TERT: variants seen among roughly 807,000 people sequenced by gnomAD.
TERT encodes the protein telomerase catalytic subunit.
TERT carries 42 observed loss-of-function variants against 104.0 expected under a neutral mutation model. The observed-to-expected ratio is 0.40, with a 90% CI of 0.32 to 0.52. The LOEUF is 0.52. Ranked by LOEUF, TERT falls within the 20% of genes least tolerant of loss-of-function variation. The pLI is 0.43. For missense variants in TERT, 1,101 were observed against 1,610.3 expected (o/e 0.68, Z 5.41); for synonymous variants, 781 against 725.6 (o/e 1.08, Z -1.23).
rs2126693428 is a variant in TERT at position 1,295,019 on chromosome 5, A to G, written c.-30T>C. 1 of 1,279,382 alleles carries G rather than the reference A, an allele frequency of 7.8e-7. No individual in the cohort carries two copies. The highest frequency in any genetic ancestry group is 9.9e-7 in the Non-Finnish European group (1 of 1,012,272). The allele number at this position is 1,279,382 out of a possible 1,614,324, so 79.3% of individuals were successfully genotyped here. On this transcript the variant is annotated 5_prime_UTR_variant, in exon 1 of 16. Transcript: ENST00000310581. Reference sequence around the variant, plus strand: ...GGGGTGGCCGGGGCCAGGGCTTCCCACGTGCGCAGCAGGACGCAGCGCTGC... The same window carrying G: ...GGGGTGGCCGGGGCCAGGGCTTCCCGCGTGCGCAGCAGGACGCAGCGCTGC...
In TERT at chr5:1,263,293, T is replaced by C. The variant is rs34529095; in HGVS notation, c.2843+1111A>G. 0.025 allele frequency among the ~76,000 whole-genome samples: 3,750 copies of C among 152,254 alleles called. 56 individuals are homozygous for C. The highest frequency in any genetic ancestry group is 0.036 in the Non-Finnish European group (2,475 of 68,022). ...ACTTATTTCTCTTCCCATGAAGGTG[T>C]GCCTTTCAGAGGAAGGCACCCCCAG... On this transcript the variant is annotated intron_variant, in intron 11 of 15. Coordinates refer to ENST00000310581, the MANE Select transcript of TERT (RefSeq NM_198253.3). This position sits in a 1 kb window ranked among gnomAD's most constrained non-coding sequence, Gnocchi z 5.3.
intron 10 of TERT, among the ~76,000 whole-genome samples, chr5:1,266,012 G>A (rs1353044002): frequency 6.6e-6 from 1 of 152,172 alleles, no homozygotes; most frequent in Non-Finnish European, 1.5e-5. Context: ...CCCCACGCAG[G>A]AACGTGACCG....
chr5:1,282,027 G>T (rs1432100650), intron 3 of TERT, among the ~76,000 whole-genome samples: 2 of 152,024 alleles, frequency 1.3e-5, no homozygotes, highest in African/African-American at 2.4e-5. Context: ...GGTGGAGGTT[G>T]CAGTGAGCCA....
chr5:1,257,926 C>T lies in TERT; in HGVS notation c.3032+672G>A, dbSNP rs983336583. Among the ~76,000 whole-genome samples, 5 of 152,206 alleles carry T rather than the reference C, an allele frequency of 3.3e-5. No homozygotes were observed. Among genetic ancestry groups the T allele is most frequent in the Non-Finnish European group, 4.4e-5 (3 of 68,042 alleles). Reference sequence around the variant, plus strand: ...GGTGGAGGCCCGGGCCTGTGGTGCCCGACTGCCCTTTGGTACAGCCCCGAG... The same window carrying T: ...GGTGGAGGCCCGGGCCTGTGGTGCCTGACTGCCCTTTGGTACAGCCCCGAG... On this transcript the variant is annotated intron_variant, in intron 13 of 15. Transcript: ENST00000310581. This position sits in a 1 kb window ranked among gnomAD's most constrained non-coding sequence, Gnocchi z 5.6.
intron 2 of TERT, among the ~76,000 whole-genome samples, chr5:1,291,407 C>G (rs865845363): frequency 1.3e-4 from 9 of 66,968 alleles, no homozygotes; most frequent in South Asian, 4.0e-4. Flanking sequence ...CCTCACTCAC[C>G]CTGCACGGGA....
chr5:1,287,731 A>T lies in TERT; in HGVS notation c.1574-5107T>A, dbSNP rs572526735. 9.9e-5 allele frequency among the ~76,000 whole-genome samples: 15 copies of T among 152,206 alleles called. No homozygotes were observed. The highest frequency in any genetic ancestry group is 3.6e-4 in the African/African-American group (15 of 41,522). ...CACATAAATGCTACCAAACGAGAAG[A>T]AATGAACAGACCCATCCCCCAGGTG... On this transcript the variant is annotated intron_variant, in intron 2 of 15. Coordinates refer to ENST00000310581, the MANE Select transcript of TERT (RefSeq NM_198253.3). This position sits in a 1 kb window ranked among gnomAD's most constrained non-coding sequence, Gnocchi z 4.3.
intron 6 of TERT, 97 bp downstream of exon 6, chr5:1,278,537 AGTACCTC>A: frequency 1.3e-6 from 2 of 1,502,310 alleles, no homozygotes; most frequent in Non-Finnish European, 1.9e-6. Flanking sequence ...AAATCATGGA[AGTACCTC>A]CACCACAGAA....
chr5:1,295,015 TC>T lies in TERT; in HGVS notation c.-27del. On this transcript the variant is annotated 5_prime_UTR_variant, in exon 1 of 16. Transcript: ENST00000310581. ...CGCGGGGGTGGCCGGGGCCAGGGCTTCCCACGTGCGCAGCAGGACGCAGCGC... is the reference window on the plus strand; with the variant it reads ...CGCGGGGGTGGCCGGGGCCAGGGCTTCCACGTGCGCAGCAGGACGCAGCGC... 7.8e-7 allele frequency: 1 copy of T among 1,286,874 alleles called. No homozygotes were observed. The highest frequency in any genetic ancestry group is 2.5e-5 in the South Asian group (1 of 40,346). The allele number at this position is 1,286,874 out of a possible 1,614,324, so 79.7% of individuals were successfully genotyped here. A position where few individuals can be genotyped will look rare whatever the true frequency, so the allele number is the denominator to read the frequency against.
chr5:1,283,292 C>T (rs1393905225), intron 2 of TERT, among the ~76,000 whole-genome samples: 5 of 132,638 alleles, frequency 3.8e-5, no homozygotes, highest in South Asian at 5.1e-4. Context: ...GGCGACCTCA[C>T]GCCAGACCTG....
Position 1,256,417 on chromosome 5 carries a change from G to A in TERT, c.3033-1006C>T, listed in dbSNP as rs1218851600. On this transcript the variant is annotated intron_variant, in intron 13 of 15. Transcript: ENST00000310581. The surrounding 1 kb of genome is among the most constrained non-coding windows in gnomAD (Gnocchi z 7.0). ...CACATGTGCACATGTGCTCATATGT[G>A]CGTGTGATCAGAGCCCCCGTGTACC... 6.6e-6 allele frequency among the ~76,000 whole-genome samples: 1 copy of A among 151,678 alleles called. No homozygotes were observed. Among genetic ancestry groups the A allele is most frequent in the Non-Finnish European group, 1.5e-5 (1 of 67,992 alleles).
intron 2 of TERT, among the ~76,000 whole-genome samples, chr5:1,283,920 C>T (rs954791955): frequency 1.3e-5 from 2 of 150,424 alleles, no homozygotes; most frequent in Non-Finnish European, 3.0e-5. Flanking sequence ...GGACCTGCAG[C>T]AACCGGACAC....
rs1273211435 is a variant in TERT at position 1,288,974 on chromosome 5, C to A, written c.1573+4339G>T. On this transcript the variant is annotated intron_variant, in intron 2 of 15. Coordinates refer to ENST00000310581, the MANE Select transcript of TERT (RefSeq NM_198253.3). The surrounding 1 kb of genome is among the most constrained non-coding windows in gnomAD (Gnocchi z 5.3). ...AAGATAGGCTTGGGGACCAGCACTGCGCCTGCACCATCTACCCAGGCAATG... is the reference window on the plus strand; with the variant it reads ...AAGATAGGCTTGGGGACCAGCACTGAGCCTGCACCATCTACCCAGGCAATG... 2.0e-5 allele frequency among the ~76,000 whole-genome samples: 3 copies of A among 152,156 alleles called. No individual in the cohort carries two copies.
rs568101650 is a variant in TERT at position 1,257,404 on chromosome 5, C to G, written c.3032+1194G>C. Among the ~76,000 whole-genome samples the G allele has an allele frequency of 6.6e-6, 1 of 152,186 alleles. No homozygotes were observed. Among genetic ancestry groups the G allele is most frequent in the Non-Finnish European group, 1.5e-5 (1 of 68,028 alleles). On this transcript the variant is annotated intron_variant, in intron 13 of 15. Transcript: ENST00000310581. The surrounding 1 kb of genome is among the most constrained non-coding windows in gnomAD (Gnocchi z 5.6). Reference sequence around the variant, plus strand: ...GGGTCAACCACAGTGTCAGACACCTCCAGTCCTCAGTGGCACCTGTATCCA... The same window carrying G: ...GGGTCAACCACAGTGTCAGACACCTGCAGTCCTCAGTGGCACCTGTATCCA...
intron 8 of TERT, 28 bp downstream of exon 8, chr5:1,271,091 G>A (rs763943489): frequency 3.1e-6 from 5 of 1,597,946 alleles, no homozygotes; most frequent in Non-Finnish European, 4.3e-6. Flanking sequence ...CCACCCGCAG[G>A]GCAATGGCAC....
At position 1,286,232 on chromosome 5, in the gene TERT, C is replaced by T. The variant is rs866342201; in HGVS notation, c.1574-3608G>A. Among the ~76,000 whole-genome samples the T allele has an allele frequency of 4.6e-5, 7 of 152,122 alleles. No individual in the cohort carries two copies. The highest frequency in any genetic ancestry group is 2.0e-4 in the Admixed American group (3 of 15,270). On this transcript the variant is annotated intron_variant, in intron 2 of 15. Coordinates refer to ENST00000310581, the MANE Select transcript of TERT (RefSeq NM_198253.3). The surrounding 1 kb of genome is among the most constrained non-coding windows in gnomAD (Gnocchi z 5.3). ...TCTGTGCATCATAAGCAGAGGTCCCCGGACGTCGCTAGATGCCATGGAGGC... is the reference window on the plus strand; with the variant it reads ...TCTGTGCATCATAAGCAGAGGTCCCTGGACGTCGCTAGATGCCATGGAGGC...
chr5:1,268,216 A>T lies in TERT; in HGVS notation c.2582+304T>A, dbSNP rs1373095264. Among the ~76,000 whole-genome samples, 1 of 152,228 alleles carries T rather than the reference A, an allele frequency of 6.6e-6. No individual in the cohort carries two copies. Among genetic ancestry groups the T allele is most frequent in the Non-Finnish European group, 1.5e-5 (1 of 68,042 alleles). On this transcript the variant is annotated intron_variant, in intron 9 of 15. Transcript: ENST00000310581. This position sits in a 1 kb window ranked among gnomAD's most constrained non-coding sequence, Gnocchi z 5.5. ...ACCCTAACGGAACCTGGGTGACGTGACAGAAGCTGGTGTGCTTCCTCGGTG... is the reference window on the plus strand; with the variant it reads ...ACCCTAACGGAACCTGGGTGACGTGTCAGAAGCTGGTGTGCTTCCTCGGTG...
intron 2 of TERT, among the ~76,000 whole-genome samples, chr5:1,290,590 G>A (rs1448007410): frequency 2.9e-5 from 2 of 68,952 alleles, no homozygotes; most frequent in Non-Finnish European, 5.4e-5. Flanking sequence ...AGGGACACCC[G>A]GGGACCGCGC....
intron 2 of TERT, among the ~76,000 whole-genome samples, chr5:1,283,418 G>A (rs1263545710): frequency 2.4e-4 from 30 of 124,650 alleles, no homozygotes; most frequent in Middle Eastern, 6.8e-3. Flanking sequence ...ACCTCACCCC[G>A]GACCTGCACC....
Position 1,253,667 on chromosome 5 carries a change from A to C in TERT, c.*61T>G. 3.5e-6 allele frequency: 5 copies of C among 1,446,018 alleles called. No homozygotes were observed. Among genetic ancestry groups the C allele is most frequent in the Non-Finnish European group, 4.8e-6 (5 of 1,044,550 alleles). The allele number at this position is 1,446,018 out of a possible 1,614,324, so 89.6% of individuals were successfully genotyped here. ...GGCCGCCCCTCCCTCCCTGGGACGT[A>C]GAGCCCGGCGTGACAGGGCTGCTGG... On this transcript the variant is annotated 3_prime_UTR_variant, in exon 16 of 16. Transcript: ENST00000310581.
Sources: gnomAD v4.1 joint callset for allele counts (sites outside exome capture counted in the v4.1 genomes callset) on GRCh38, gnomAD v4.1.1 for gene constraint, Gnocchi (gnomAD v3.1) non-coding constraint, MANE v1.5 for transcripts, NCBI Gene and HGNC (gene_info 2026-07-23, HGNC 2026-07-21) for gene names.